The following SLC24A2 variants were observed in gnomAD, a reference collection of about 807,000 sequenced individuals.
The protein encoded by SLC24A2 is solute carrier family 24 member 2.
In SLC24A2, 36 loss-of-function variants were observed where a neutral mutation model predicts 62.0. The observed-to-expected ratio is 0.58, with a 90% confidence interval of 0.44 to 0.77. The LOEUF (loss-of-function observed/expected upper bound fraction) is 0.77. Ranked by LOEUF, SLC24A2 falls within the 30% of genes least tolerant of loss-of-function variation. The pLI, the probability that SLC24A2 is intolerant of heterozygous loss-of-function variation, is 0.00. For missense variants in SLC24A2, 846 were observed against 817.9 expected, an observed-to-expected ratio of 1.03 and a Z score of -0.42; for synonymous variants, 358 against 294.0, an observed-to-expected ratio of 1.22 and a Z score of -2.23.
the SLC24A2 span, among the ~76,000 whole-genome samples, chr9:19,859,680 A>C: frequency 6.6e-6 from 1 of 152,226 alleles, no homozygotes; most frequent in Non-Finnish European, 1.5e-5. Flanking sequence ...CATATTACCA[A>C]AAGAGACACT....
chr9:19,966,391 G>A, the SLC24A2 span, among the ~76,000 whole-genome samples: 2 of 152,094 alleles, frequency 1.3e-5, no homozygotes, highest in Non-Finnish European at 2.9e-5. Context: ...CAAATAAAAA[G>A]CCATTCCTGT....
chr9:19,781,267 T>C (rs1255379019), intron 2 of SLC24A2, among the ~76,000 whole-genome samples: 3 of 152,186 alleles, frequency 2.0e-5, no homozygotes, highest in Non-Finnish European at 4.4e-5. Flanking sequence ...TCCCATTCTT[T>C]GCTAAAGTTA....
the SLC24A2 span, among the ~76,000 whole-genome samples, chr9:19,977,314 T>C: frequency 1.3e-5 from 2 of 152,184 alleles, no homozygotes; most frequent in East Asian, 1.9e-4. Context: ...GACATTTCAA[T>C]GAAATACTCA....
At chr9:19,945,998 G>C in the SLC24A2 span, among the ~76,000 whole-genome samples, 6 of 152,252 alleles carry the variant, frequency 3.9e-5, no homozygotes, top group Admixed American at 2.6e-4. Context: ...TGTCACCCAA[G>C]GTCCCAATCA....
intron 2 of SLC24A2, among the ~76,000 whole-genome samples, chr9:19,661,004 C>T (rs1448866973): frequency 6.6e-6 from 1 of 152,136 alleles, no homozygotes; most frequent in Non-Finnish European, 1.5e-5. Flanking sequence ...TGGGGTATGG[C>T]TAGTACACCA....
At chr9:20,240,651 G>A in the SLC24A2 span, among the ~76,000 whole-genome samples, 2 of 152,042 alleles carry the variant, frequency 1.3e-5, no homozygotes, top group Non-Finnish European at 2.9e-5. Context: ...AGATTGTAGC[G>A]GGGTTTTAAA....
chr9:19,844,983 C>A, the SLC24A2 span, among the ~76,000 whole-genome samples: 1 of 146,806 alleles, frequency 6.8e-6, no homozygotes, highest in Non-Finnish European at 1.5e-5. Flanking sequence ...CTGAGGATTG[C>A]CTTGGCTATT....
chr9:20,248,824 G>T, the SLC24A2 span, among the ~76,000 whole-genome samples: 1 of 152,130 alleles, frequency 6.6e-6, no homozygotes, highest in Admixed American at 6.5e-5. Context: ...TTACTTCTCC[G>T]GGGCACCCAC....
the SLC24A2 span, among the ~76,000 whole-genome samples, chr9:19,848,975 G>A: frequency 0.059 from 8,998 of 152,240 alleles, 369 homozygotes; most frequent in African/African-American, 0.11. Flanking sequence ...TAAATAAAAC[G>A]TGGATTCTGC....
At chr9:20,104,928 C>A in the SLC24A2 span, among the ~76,000 whole-genome samples, 1 of 152,132 alleles carries the variant, frequency 6.6e-6, no homozygotes. Flanking sequence ...TCAAGACCCA[C>A]CAGTGTGCTG....
chr9:19,711,089 T>C (rs1036936139), intron 2 of SLC24A2, among the ~76,000 whole-genome samples: 1 of 152,244 alleles, frequency 6.6e-6, no homozygotes, highest in African/African-American at 2.4e-5. Flanking sequence ...TTAGCAGTTC[T>C]GTAAGTAAGG....
chr9:19,709,227 A>G (rs1820634663), intron 2 of SLC24A2, among the ~76,000 whole-genome samples: 1 of 151,966 alleles, frequency 6.6e-6, no homozygotes, highest in African/African-American at 2.4e-5. Flanking sequence ...ACCAGTTAGA[A>G]TGGCAATCAT....
At chr9:20,286,642 T>C in the SLC24A2 span, among the ~76,000 whole-genome samples, 1 of 152,242 alleles carries the variant, frequency 6.6e-6, no homozygotes, top group Non-Finnish European at 1.5e-5. Context: ...GAATGACTAC[T>C]GGCAGGCAAC....
the SLC24A2 span, among the ~76,000 whole-genome samples, chr9:20,301,734 A>G: frequency 5.3e-5 from 8 of 152,276 alleles, 1 homozygote; most frequent in Admixed American, 2.6e-4. Context: ...CTGTCAGCCA[A>G]TGTTGACACA....
the SLC24A2 span, among the ~76,000 whole-genome samples, chr9:20,142,354 A>G: frequency 5.9e-5 from 9 of 152,228 alleles, no homozygotes; most frequent in Non-Finnish European, 1.2e-4. Flanking sequence ...AATTTGTGTT[A>G]CGTATTTTTT....
chr9:19,563,294 T>A (rs970243587), intron 7 of SLC24A2, among the ~76,000 whole-genome samples: 80 of 152,284 alleles, frequency 5.3e-4, no homozygotes, highest in African/African-American at 1.8e-3. Flanking sequence ...TATACTTCAC[T>A]GATGTTCCAG....
chr9:19,647,068 GCACACACACACACACACA>G (rs142480390), intron 2 of SLC24A2, among the ~76,000 whole-genome samples: 3 of 80,010 alleles, frequency 3.7e-5, no homozygotes, highest in African/African-American at 1.1e-4. Flanking sequence ...ACACACGCGC[GCACACACACACACACACA>G]CACACACACA....
At chr9:20,071,640 C>T in the SLC24A2 span, among the ~76,000 whole-genome samples, 3 of 152,084 alleles carry the variant, frequency 2.0e-5, no homozygotes, top group Non-Finnish European at 4.4e-5. Flanking sequence ...GCTCATACCA[C>T]CAGAACAATT....
chr9:19,886,325 T>C, the SLC24A2 span, among the ~76,000 whole-genome samples: 4 of 152,204 alleles, frequency 2.6e-5, no homozygotes, highest in African/African-American at 9.6e-5. Flanking sequence ...ACTGTAGTTT[T>C]GATTTGCATT....
Sources: gnomAD v4.1 joint callset for allele counts (sites outside exome capture counted in the v4.1 genomes callset) on GRCh38, gnomAD v4.1.1 for gene constraint, MANE v1.5 for transcripts, NCBI Gene and HGNC (gene_info 2026-07-23, HGNC 2026-07-21) for gene names.